The following MAPK14 variants were observed in gnomAD, a reference collection of about 807,000 sequenced individuals.
MAPK14 encodes CSAID-binding protein.
MAPK14 carries 16 observed loss-of-function variants against 49.6 expected under a neutral mutation model. The ratio of observed to expected loss-of-function variants is 0.32; its 90% CI spans 0.22 to 0.49. MAPK14 has a LOEUF of 0.49. Among genes scored for constraint, MAPK14 ranks in the 20% least tolerant of loss-of-function variants. MAPK14 has a pLI of 0.99. For missense variants in MAPK14, 200 were observed against 441.2 expected, an observed-to-expected ratio of 0.45 and a Z score of 4.90; for synonymous variants, 142 against 158.0, an observed-to-expected ratio of 0.90 and a Z score of 0.76.
intron 8 of MAPK14, among the ~76,000 whole-genome samples, chr6:36,093,216 T>C (rs904301428): frequency 3.9e-4 from 60 of 152,212 alleles, no homozygotes; most frequent in African/African-American, 1.2e-3. Context: ...AGAATAATAA[T>C]TTGAGCCAGA....
At chr6:36,048,166 C>T (rs1478241682) in intron 1 of MAPK14, among the ~76,000 whole-genome samples, 5 of 152,110 alleles carry the variant, frequency 3.3e-5, no homozygotes, top group Non-Finnish European at 7.3e-5. Flanking sequence ...CTCAGACTCT[C>T]AAGTAGCTGG....
At chr6:36,045,182 T>G (rs2127407900) in intron 1 of MAPK14, among the ~76,000 whole-genome samples, 1 of 151,948 alleles carries the variant, frequency 6.6e-6, no homozygotes, top group African/African-American at 2.4e-5. Context: ...CCCTCTTTGC[T>G]AATAATGAAC....
At chr6:36,073,035 C>A in intron 4 of MAPK14, 51 bp downstream of exon 4, 1 of 1,186,162 alleles carries the variant, frequency 8.4e-7, no homozygotes, top group Non-Finnish European at 1.3e-6. Context: ...CCCTTTCTCC[C>A]CTCCTTTTAG....
At chr6:36,031,898 G>A (rs1011917992) in intron 1 of MAPK14, among the ~76,000 whole-genome samples, 1 of 152,062 alleles carries the variant, frequency 6.6e-6, no homozygotes, top group African/African-American at 2.4e-5. Context: ...GTGACTTCTT[G>A]AACTGGACCT....
At chr6:36,077,018 A>C (rs1367938842) in intron 8 of MAPK14, 1 of 155,300 alleles carries the variant, frequency 6.4e-6, no homozygotes, top group Non-Finnish European at 1.4e-5. Flanking sequence ...TTTATGTATT[A>C]AAAGGGCTAT....
At chr6:36,117,018 A>T in the MAPK14 span, among the ~76,000 whole-genome samples, 3 of 152,174 alleles carry the variant, frequency 2.0e-5, no homozygotes, top group Non-Finnish European at 4.4e-5. Flanking sequence ...AAGAAAATTT[A>T]AAAAAATTAA....
intron 1 of MAPK14, among the ~76,000 whole-genome samples, chr6:36,047,548 T>A (rs903852261): frequency 6.6e-6 from 1 of 152,114 alleles, no homozygotes; most frequent in African/African-American, 2.4e-5. Context: ...GTGATCTAAT[T>A]TGTACTTTTA....
At chr6:36,055,541 C>A (rs1280822611) in intron 2 of MAPK14, among the ~76,000 whole-genome samples, 2 of 151,876 alleles carry the variant, frequency 1.3e-5, no homozygotes, top group Non-Finnish European at 2.9e-5. Context: ...AATTTGATTC[C>A]TGGGTTACTT....
At chr6:36,120,793 AC>A in the MAPK14 span, among the ~76,000 whole-genome samples, 2 of 152,216 alleles carry the variant, frequency 1.3e-5, no homozygotes, top group Non-Finnish European at 2.9e-5. Flanking sequence ...CTTCTCAAGC[AC>A]AGGAACTGTG....
At chr6:36,059,521 G>A (rs1169602867) in intron 3 of MAPK14, among the ~76,000 whole-genome samples, 174 bp downstream of exon 3, 2 of 152,170 alleles carry the variant, frequency 1.3e-5, no homozygotes, top group Admixed American at 6.5e-5. Flanking sequence ...TGGGTGGTGC[G>A]TGTTAGTATT....
chr6:36,074,221 T>C, intron 6 of MAPK14, 125 bp downstream of exon 6: 1 of 611,326 alleles, frequency 1.6e-6, no homozygotes, highest in Non-Finnish European at 2.8e-6. Context: ...ATTATTTTTA[T>C]TATCAGACTT....
intron 8 of MAPK14, among the ~76,000 whole-genome samples, chr6:36,083,637 G>A (rs918815844): frequency 7.9e-5 from 12 of 152,184 alleles, no homozygotes; most frequent in African/African-American, 2.7e-4. Flanking sequence ...CCCCCTACAC[G>A]GGGCAGGGCC....
chr6:36,049,662 G>T (rs1177217180), intron 1 of MAPK14, among the ~76,000 whole-genome samples: 1 of 152,180 alleles, frequency 6.6e-6, no homozygotes, highest in Non-Finnish European at 1.5e-5. Flanking sequence ...AACTGTTAAG[G>T]GAAGTCTTTT....
intron 8 of MAPK14, among the ~76,000 whole-genome samples, chr6:36,077,999 G>A (rs538183025): frequency 6.6e-6 from 1 of 152,098 alleles, no homozygotes; most frequent in African/African-American, 2.4e-5. Flanking sequence ...TCCTCTTCTT[G>A]TGTCTGTATC....
chr6:36,112,608 GCTT>G (rs1330665607), downstream of MAPK14, among the ~76,000 whole-genome samples: 62 of 152,240 alleles, frequency 4.1e-4, no homozygotes, highest in African/African-American at 1.4e-3. Flanking sequence ...ATATTTGAGG[GCTT>G]CATCAGTTTT....
At position 36,108,496 on chromosome 6, in the gene MAPK14, C is replaced by G. The variant is rs1374495890; in HGVS notation, c.*49C>G. 5 of 1,430,578 alleles carry G rather than the reference C, an allele frequency of 3.5e-6. No homozygotes were observed. The South Asian group carries it at 4.6e-5, about 13-fold the overall frequency. The allele number at this position is 1,430,578 out of a possible 1,614,324, so 88.6% of individuals were successfully genotyped here. ...TCCCACTTCACTGTGAGGGGAAGGC[C>G]TTTTCACGGGAACTCTCCAAATATT... On this transcript the variant is annotated 3_prime_UTR_variant, in exon 12 of 12. Coordinates refer to ENST00000229794, the MANE Select transcript of MAPK14 (RefSeq NM_139012.3).
intron 1 of MAPK14, among the ~76,000 whole-genome samples, chr6:36,041,366 C>A (rs1762954939): frequency 6.6e-6 from 1 of 151,630 alleles, no homozygotes; most frequent in South Asian, 2.1e-4. Context: ...ATTTTCTTTT[C>A]TCTTTCTGTG....
At chr6:36,096,285 A>G (rs1331983133) in intron 9 of MAPK14, 3 of 451,536 alleles carry the variant, frequency 6.6e-6, no homozygotes, top group Non-Finnish European at 1.2e-5. Flanking sequence ...ATCTGGGTAC[A>G]CACTAAGATC....
intron 6 of MAPK14, among the ~76,000 whole-genome samples, chr6:36,075,225 C>CAA (rs70975130): frequency 0.09 from 5,617 of 62,710 alleles, 324 homozygotes; most frequent in Non-Finnish European, 0.11. Flanking sequence ...GACTCCGTCT[C>CAA]AAAAAAAAAA....
Sources: allele counts gnomAD v4.1 joint callset (sites outside exome capture counted in the v4.1 genomes callset), GRCh38; gene constraint gnomAD v4.1.1; transcripts MANE v1.5; gene names NCBI Gene and HGNC (gene_info 2026-07-23, HGNC 2026-07-21).